The following NEGR1 variants were observed in gnomAD, a reference collection of about 807,000 sequenced individuals.
NEGR1 encodes the protein IgLON family member 4.
NEGR1 carries 10 observed loss-of-function variants against 40.9 expected under a neutral mutation model. The observed-to-expected ratio is 0.24, with a 90% CI of 0.15 to 0.42. NEGR1 has a LOEUF of 0.42. NEGR1 is among the 10% of genes least tolerant of loss of function. NEGR1 has a pLI of 1.00. For synonymous variants in NEGR1, 185 were observed against 166.8 expected (o/e 1.11, Z -0.84); for missense variants, 352 against 438.9 (o/e 0.80, Z 1.77).
At chr1:71,541,869 G>GC (rs1308828179) in intron 6 of NEGR1, among the ~76,000 whole-genome samples, 1 of 151,764 alleles carries the variant, frequency 6.6e-6, no homozygotes, top group Non-Finnish European at 1.5e-5. Flanking sequence ...CTACAGAAGA[G>GC]CTGTTCGATC....
chr1:71,823,685 TC>T (rs1658513660), intron 2 of NEGR1, among the ~76,000 whole-genome samples: 1 of 152,036 alleles, frequency 6.6e-6, no homozygotes, highest in Non-Finnish European at 1.5e-5. Context: ...GAGTTTCCAG[TC>T]CATGTTTTGT....
At chr1:71,685,385 T>G (rs1417101875) in intron 4 of NEGR1, among the ~76,000 whole-genome samples, 1 of 150,874 alleles carries the variant, frequency 6.6e-6, no homozygotes, top group Non-Finnish European at 1.5e-5. Flanking sequence ...TGCAATGGCA[T>G]GATCTTGGCT....
At chr1:71,754,089 G>A (rs1655654641) in intron 3 of NEGR1, among the ~76,000 whole-genome samples, 1 of 152,148 alleles carries the variant, frequency 6.6e-6, no homozygotes, top group Non-Finnish European at 1.5e-5. Flanking sequence ...GAGACTCGAA[G>A]GTTTCCTGAA....
chr1:71,652,367 T>C (rs998492378), intron 4 of NEGR1, among the ~76,000 whole-genome samples: 2 of 152,184 alleles, frequency 1.3e-5, no homozygotes, highest in Non-Finnish European at 2.9e-5. Context: ...TTCTGGTTAA[T>C]TCCAGTCTTT....
At chr1:71,677,335 T>G (rs1652677920) in intron 4 of NEGR1, among the ~76,000 whole-genome samples, 1 of 152,178 alleles carries the variant, frequency 6.6e-6, no homozygotes, top group South Asian at 2.1e-4. Context: ...TGCTTCTTAA[T>G]GATTAACAAT....
chr1:71,662,791 TA>T (rs1385247716), intron 4 of NEGR1, among the ~76,000 whole-genome samples: 1 of 151,868 alleles, frequency 6.6e-6, no homozygotes, highest in Non-Finnish European at 1.5e-5. Flanking sequence ...AGATGACTTT[TA>T]AAAATGTAAC....
intron 2 of NEGR1, among the ~76,000 whole-genome samples, chr1:71,879,725 GT>G (rs1368643716): frequency 6.6e-6 from 1 of 152,190 alleles, no homozygotes; most frequent in African/African-American, 2.4e-5. Flanking sequence ...GAAATGCCAG[GT>G]TTTTAACATG....
intron 3 of NEGR1, among the ~76,000 whole-genome samples, chr1:71,712,936 T>C (rs1196894528): frequency 6.6e-6 from 1 of 152,220 alleles, no homozygotes; most frequent in African/African-American, 2.4e-5. Flanking sequence ...ATTGTAAGTT[T>C]CCTGAGACTT....
chr1:71,651,655 T>G (rs1255813386), intron 4 of NEGR1, among the ~76,000 whole-genome samples: 2 of 152,150 alleles, frequency 1.3e-5, no homozygotes, highest in African/African-American at 4.8e-5. Context: ...TTCAGTATCT[T>G]TGTCATGGCA....
At chr1:72,254,634 G>A (rs1376455247) in intron 1 of NEGR1, among the ~76,000 whole-genome samples, 2 of 150,044 alleles carry the variant, frequency 1.3e-5, no homozygotes, top group Admixed American at 6.7e-5. Flanking sequence ...CCCAGGAGGA[G>A]GAGCTTGAAG....
At chr1:72,205,184 A>G (rs1198448502) in intron 1 of NEGR1, among the ~76,000 whole-genome samples, 1 of 152,036 alleles carries the variant, frequency 6.6e-6, no homozygotes, top group African/African-American at 2.4e-5. Context: ...AAGTGGTTTT[A>G]TATTATCCAG....
intron 6 of NEGR1, among the ~76,000 whole-genome samples, chr1:71,528,221 C>G (rs1247121700): frequency 6.6e-6 from 1 of 151,194 alleles, no homozygotes; most frequent in East Asian, 1.9e-4. Context: ...TATGGTACTC[C>G]CATTTCTTGC....
intron 2 of NEGR1, among the ~76,000 whole-genome samples, chr1:71,824,802 G>A (rs1658559771): frequency 6.6e-6 from 1 of 151,912 alleles, no homozygotes; most frequent in South Asian, 2.1e-4. Context: ...ATGTCTGTAA[G>A]ATTTGTCCAC....
intron 6 of NEGR1, among the ~76,000 whole-genome samples, chr1:71,412,376 T>G (rs937752030): frequency 6.6e-6 from 1 of 152,166 alleles, no homozygotes; most frequent in Non-Finnish European, 1.5e-5. Flanking sequence ...ATCCCCAATC[T>G]AAGAAAAATT....
intron 1 of NEGR1, among the ~76,000 whole-genome samples, chr1:72,269,547 T>C (rs778267713): frequency 2.0e-5 from 3 of 151,802 alleles, no homozygotes; most frequent in Non-Finnish European, 4.4e-5. Context: ...TATGCATTAA[T>C]AGCTGTAATA....
At chr1:71,632,523 TG>T (rs1287213903) in intron 4 of NEGR1, among the ~76,000 whole-genome samples, 1 of 150,834 alleles carries the variant, frequency 6.6e-6, no homozygotes, top group African/African-American at 2.4e-5. Flanking sequence ...ATAAAATGAT[TG>T]CATAAACTAT....
rs1655990061 is a variant in NEGR1 at position 72,274,984 on chromosome 1, G to A, written c.176+7335C>T. The A allele has an allele frequency of 4.6e-6, 7 of 1,537,174 alleles. No individual in the cohort carries two copies. The South Asian group carries it at 7.8e-5, about 17-fold the overall frequency. ...AGCACAAGGGAAGTACATTGCCATA[G>A]TTAGTACGACTGTGGAAACCAAGGA... On this transcript the variant is annotated intron_variant, in intron 1 of 6. Transcript: ENST00000357731.
intron 1 of NEGR1, among the ~76,000 whole-genome samples, chr1:72,171,548 CT>C (rs1327706661): frequency 1.3e-5 from 2 of 152,146 alleles, no homozygotes; most frequent in East Asian, 1.9e-4. Flanking sequence ...TTATTTTTCG[CT>C]GTGAGTTCTT....
At chr1:71,581,535 C>T (rs955554400) in intron 6 of NEGR1, among the ~76,000 whole-genome samples, 1 of 152,102 alleles carries the variant, frequency 6.6e-6, no homozygotes, top group African/African-American at 2.4e-5. Flanking sequence ...CCATGTGGAA[C>T]ATCATGCATG....
Sources: allele counts gnomAD v4.1 joint callset (sites outside exome capture counted in the v4.1 genomes callset), GRCh38; gene constraint gnomAD v4.1.1; transcripts MANE v1.5; gene names NCBI Gene and HGNC (gene_info 2026-07-23, HGNC 2026-07-21).